STK39: variants seen among roughly 807,000 people sequenced by gnomAD.
STK39 encodes STE20/SPS1-related proline-alanine-rich protein kinase.
A neutral mutation model predicts 77.8 loss-of-function variants in STK39; 20 were observed. That is an observed-to-expected ratio of 0.26 (90% confidence interval 0.18 to 0.37). The LOEUF is 0.37. Ranked by LOEUF, STK39 falls within the 10% of genes least tolerant of loss-of-function variation. STK39 has a pLI of 1.00. For missense variants in STK39, 479 were observed against 656.5 expected (o/e 0.73, Z 2.95); for synonymous variants, 246 against 234.1 (o/e 1.05, Z -0.47).
chr2:167,980,496 T>G (rs1260246511), intron 16 of STK39, among the ~76,000 whole-genome samples: 2 of 152,184 alleles, frequency 1.3e-5, no homozygotes, highest in South Asian at 4.1e-4. Flanking sequence ...ATTAATGAGA[T>G]AGTAAATCTA....
intron 16 of STK39, among the ~76,000 whole-genome samples, chr2:167,980,108 A>G (rs1382352243): frequency 1.3e-5 from 2 of 152,234 alleles, no homozygotes; most frequent in East Asian, 1.9e-4. Context: ...TAGTACTACA[A>G]ATTAAAACAG....
At chr2:167,955,600 T>C in intron 17 of STK39, 30 bp from the exon 18 acceptor site, 1 of 1,606,074 alleles carries the variant, frequency 6.2e-7, no homozygotes, top group East Asian at 2.2e-5. Context: ...GCCTCAATGC[T>C]GGTTTGCTGC....
intron 1 of STK39, among the ~76,000 whole-genome samples, chr2:168,193,300 C>T (rs1223212699): frequency 2.0e-5 from 3 of 151,706 alleles, no homozygotes; most frequent in African/African-American, 7.3e-5. Context: ...AGTCTTTCTT[C>T]CCCCCCCTCT....
intron 14 of STK39, among the ~76,000 whole-genome samples, chr2:168,032,034 G>T (rs1462829399): frequency 6.6e-6 from 1 of 152,174 alleles, no homozygotes; most frequent in African/African-American, 2.4e-5. Flanking sequence ...ACTTGGCATA[G>T]ATACCAGCCA....
chr2:168,100,717 G>A (rs1686801027), intron 10 of STK39, among the ~76,000 whole-genome samples: 2 of 152,200 alleles, frequency 1.3e-5, no homozygotes, highest in East Asian at 1.9e-4. Context: ...CTTAATGCTG[G>A]AGAGGATGTG....
At position 168,016,342 on chromosome 2, in the gene STK39, C is replaced by T. The variant is rs1297412038; in HGVS notation, c.1429+701G>A. ...CATTCAGGGACCAATAAGCCTATGG[C>T]CAAGTATTGCCCAGGAATATTTTGT... On this transcript the variant is annotated intron_variant, in intron 15 of 17. Transcript: ENST00000355999. 3.7e-5 allele frequency among the ~76,000 whole-genome samples: 5 copies of T among 135,932 alleles called. No homozygotes were observed. In the East Asian group the frequency reaches 1.1e-3, roughly 30 times the overall value. 89.2% of individuals were successfully genotyped at this position (135,932 alleles called of 152,430 possible).
At chr2:168,217,705 CA>C (rs1233997986) in intron 1 of STK39, among the ~76,000 whole-genome samples, 7 of 152,070 alleles carry the variant, frequency 4.6e-5, no homozygotes, top group Non-Finnish European at 8.8e-5. Context: ...GCTATGTAAA[CA>C]GATGTTATAC....
At chr2:168,064,473 C>G (rs971071907) in intron 13 of STK39, among the ~76,000 whole-genome samples, 4 of 152,152 alleles carry the variant, frequency 2.6e-5, no homozygotes, top group African/African-American at 4.8e-5. Flanking sequence ...TTCACCTCTG[C>G]AAGTCTTTAC....
chr2:168,169,227 A>T (rs1374607082), intron 2 of STK39, among the ~76,000 whole-genome samples: 1 of 152,148 alleles, frequency 6.6e-6, no homozygotes, highest in Non-Finnish European at 1.5e-5. Context: ...TTAGGTTCTG[A>T]TGCCATAAGA....
intron 1 of STK39, among the ~76,000 whole-genome samples, chr2:168,201,613 T>A (rs145911692): frequency 2.2e-4 from 33 of 152,232 alleles, no homozygotes; most frequent in Non-Finnish European, 4.3e-4. Flanking sequence ...TAGACACAAA[T>A]AATTTACGAG....
chr2:168,143,585 G>A (rs989526007), intron 5 of STK39, among the ~76,000 whole-genome samples: 6 of 152,112 alleles, frequency 3.9e-5, no homozygotes, highest in Middle Eastern at 3.2e-3. Flanking sequence ...CTGGTGGCAC[G>A]CGCCTGTAGT....
intron 10 of STK39, among the ~76,000 whole-genome samples, chr2:168,101,419 T>C (rs1686821294): frequency 6.6e-6 from 1 of 152,132 alleles, no homozygotes; most frequent in South Asian, 2.1e-4. Context: ...TGCACTACAC[T>C]AAGAACTGTG....
At chr2:168,213,148 G>T (rs1408442364) in intron 1 of STK39, among the ~76,000 whole-genome samples, 1 of 152,196 alleles carries the variant, frequency 6.6e-6, no homozygotes, top group African/African-American at 2.4e-5. Flanking sequence ...CATGGTGACA[G>T]CAAATGTCTA....
At chr2:168,237,897 C>T (rs1297111811) in intron 1 of STK39, among the ~76,000 whole-genome samples, 1 of 152,162 alleles carries the variant, frequency 6.6e-6, no homozygotes, top group Non-Finnish European at 1.5e-5. Context: ...TCTGCTGCTC[C>T]TCTTCCTTTG....
At chr2:168,195,016 AT>A (rs768898418) in intron 1 of STK39, among the ~76,000 whole-genome samples, 4 of 151,966 alleles carry the variant, frequency 2.6e-5, no homozygotes, top group African/African-American at 9.7e-5. Context: ...ACACATTTAC[AT>A]TTTTTTTAAC....
chr2:168,048,112 T>C (rs4667551), intron 14 of STK39, among the ~76,000 whole-genome samples: 78,493 of 151,544 alleles, frequency 0.52, 20,922 homozygotes, highest in Admixed American at 0.57. Context: ...TCTCTAGTTA[T>C]TCCATGCAGC....
chr2:168,012,739 T>C (rs202176457), intron 15 of STK39, 37 bp from the exon 16 acceptor site: 18 of 1,573,480 alleles, frequency 1.1e-5, no homozygotes, highest in Non-Finnish European at 1.5e-5. Flanking sequence ...TTAGTAACCA[T>C]AACATAAAAA....
At chr2:168,145,669 T>G (rs1346350237) in intron 5 of STK39, among the ~76,000 whole-genome samples, 2 of 152,188 alleles carry the variant, frequency 1.3e-5, no homozygotes, top group African/African-American at 4.8e-5. Flanking sequence ...ATGTCTAAAA[T>G]GTACCTAAAA....
chr2:168,119,139 G>A (rs1430583561), intron 10 of STK39, among the ~76,000 whole-genome samples: 2 of 152,174 alleles, frequency 1.3e-5, no homozygotes, highest in Admixed American at 1.3e-4. Context: ...GGTTTTAAGC[G>A]AGAGGATGGG....
Sources: gnomAD v4.1 joint callset for allele counts (sites outside exome capture counted in the v4.1 genomes callset) on GRCh38, gnomAD v4.1.1 for gene constraint, MANE v1.5 for transcripts, NCBI Gene and HGNC (gene_info 2026-07-23, HGNC 2026-07-21) for gene names.